The following RUFY2 variants were observed in gnomAD, a reference collection of about 807,000 sequenced individuals.
RUFY2 encodes RUN and FYVE domain containing 2, also known as RUN and FYVE domain-containing protein 2.
A neutral mutation model predicts 94.4 loss-of-function variants in RUFY2; 49 were observed. That is an observed-to-expected ratio of 0.52 (90% CI 0.41 to 0.66). The LOEUF is 0.66. Among genes scored for constraint, RUFY2 ranks in the 30% least tolerant of loss-of-function variants. RUFY2 has a pLI of 0.00. For synonymous variants in RUFY2, 255 were observed against 235.7 expected, an observed-to-expected ratio of 1.08 and a Z score of -0.75; for missense variants, 541 against 692.8, an observed-to-expected ratio of 0.78 and a Z score of 2.46.
chr10:68,364,148 T>C, intron 13 of RUFY2, 35 bp from the exon 14 acceptor site: 1 of 1,588,560 alleles, frequency 6.3e-7, no homozygotes, highest in Non-Finnish European at 8.6e-7. Context: ...AGCTCAGTGC[T>C]ATTTCTCACA....
chr10:68,365,728 C>A (rs553561766), intron 13 of RUFY2, among the ~76,000 whole-genome samples: 2 of 152,176 alleles, frequency 1.3e-5, no homozygotes, highest in Non-Finnish European at 2.9e-5. Context: ...AAACTTAACT[C>A]TTCATATCAA....
At position 68,343,515 on chromosome 10, in the gene RUFY2, G is replaced by T. The variant is rs7910016; in HGVS notation, c.*2253C>A. The T allele has an allele frequency of 6.6e-6, 1 of 152,308 alleles. No individual in the cohort carries two copies. The highest frequency in any genetic ancestry group is 1.5e-5 in the Non-Finnish European group (1 of 67,976). 9.4% of individuals were successfully genotyped at this position (152,308 alleles called of 1,614,324 possible). ...AAACCAAAATTGCCCTTTTAAAGCA[G>T]GCTAATTTTCCAAATATTTATTTAG... is the stretch of plus-strand genomic sequence containing the variant. On this transcript the variant is annotated 3_prime_UTR_variant, in exon 18 of 18. Coordinates refer to ENST00000602465, the MANE Select transcript of RUFY2 (RefSeq NM_001330103.2).
chr10:68,385,182 T>C (rs1483140524), intron 8 of RUFY2, among the ~76,000 whole-genome samples: 1 of 151,862 alleles, frequency 6.6e-6, no homozygotes, highest in Non-Finnish European at 1.5e-5. Context: ...GAGAATCGCT[T>C]GCACCTGGGA....
chr10:68,379,570 TTTG>T, intron 11 of RUFY2, 49 bp from the exon 12 acceptor site: 2 of 1,352,960 alleles, frequency 1.5e-6, no homozygotes, highest in Admixed American at 1.8e-5. Flanking sequence ...TGTGTGTGTG[TTTG>T]TGTGTGTGTG....
At chr10:68,396,721 TGGAAGACAG>T in intron 4 of RUFY2, 50 bp downstream of exon 4, 1 of 1,100,140 alleles carries the variant, frequency 9.1e-7, no homozygotes. Flanking sequence ...AAATCCTTTT[TGGAAGACAG>T]CATATAAATA....
chr10:68,345,846 A>C lies in RUFY2; in HGVS notation c.1743T>G (p.Pro581=). The C allele has an allele frequency of 6.2e-7, 1 of 1,614,158 alleles. No homozygotes were observed. Among genetic ancestry groups the C allele is most frequent in the Non-Finnish European group, 8.5e-7 (1 of 1,179,964 alleles). Residue 581 remains proline, a synonymous_variant, in exon 18 of 18, where the codon CCT becomes CCG. Transcript: ENST00000602465. Reference sequence around the variant, plus strand: ...AAACCCGTACTGGTTTTGGTGAAGAAGGCAAAGGTAGTTCGTTGTCAGAGC... The same window carrying C: ...AAACCCGTACTGGTTTTGGTGAAGACGGCAAAGGTAGTTCGTTGTCAGAGC... ...NACSDNELPL[P]SSPKPVRVCD... is the part of the protein sequence containing the mutation.
rs191762458 is a variant in RUFY2, at chr10:68,376,008, G to A, written c.1325+845C>T. ...CCAGCTACTCGGGAGGCTGAGACAG[G>A]AGAATTGCTTGAACCCAGGAGGCAG... On this transcript the variant is annotated intron_variant, in intron 13 of 17. Coordinates refer to ENST00000602465, the MANE Select transcript of RUFY2 (RefSeq NM_001330103.2). 2.0e-3 allele frequency among the ~76,000 whole-genome samples: 305 copies of A among 151,934 alleles called. 1 individual carries two copies. Among genetic ancestry groups the A allele is most frequent in the African/African-American group, 7.1e-3 (295 of 41,426 alleles).
downstream of RUFY2, chr10:68,342,248 TAAA>T: frequency 4.1e-6 from 2 of 491,708 alleles, no homozygotes; most frequent in Non-Finnish European, 7.2e-6. Context: ...TACTTTGACT[TAAA>T]AATAAATTTT....
intron 12 of RUFY2, chr10:68,378,425 C>T (rs2048809969): frequency 1.6e-6 from 2 of 1,280,306 alleles, no homozygotes; most frequent in Admixed American, 3.9e-5. Context: ...TGTATTACCA[C>T]AGCAGCTGAC....
At chr10:68,358,025 CA>C (rs1451742817) in intron 15 of RUFY2, among the ~76,000 whole-genome samples, 1 of 151,534 alleles carries the variant, frequency 6.6e-6, no homozygotes. Context: ...TCATCTCTAT[CA>C]AAAATACAAA....
At chr10:68,386,172 T>G in intron 7 of RUFY2, 44 bp from the exon 8 acceptor site, 1 of 1,507,030 alleles carries the variant, frequency 6.6e-7, no homozygotes, top group African/African-American at 1.4e-5. Flanking sequence ...TCACACGAAC[T>G]CAAAAAGGCA....
chr10:68,372,609 G>T (rs988892199), intron 13 of RUFY2, among the ~76,000 whole-genome samples: 2 of 147,328 alleles, frequency 1.4e-5, no homozygotes, highest in Admixed American at 1.4e-4. Flanking sequence ...AAAAAAAGAG[G>T]CCAGGCACAG....
chr10:68,377,819 A>C, intron 12 of RUFY2: 1 of 985,352 alleles, frequency 1.0e-6, no homozygotes, highest in Non-Finnish European at 1.2e-6. Context: ...CACAAGAGAA[A>C]TTTCGGTTCA....
Position 68,407,242 on chromosome 10 carries a change from G to C in RUFY2, c.-53C>G, listed in dbSNP as rs2051401564. The C allele has an allele frequency of 1.7e-5, 22 of 1,309,840 alleles. No homozygotes were observed. In the South Asian group the frequency reaches 4.5e-4, roughly 27 times the overall value. The allele number at this position is 1,309,840 out of a possible 1,614,324, so 81.1% of individuals were successfully genotyped here. ...GGAGGCTCCCTCGGCCTGTCCAGCAGCTCCTTCCAGGCGCTCGGCGGCCAC... is the reference window on the plus strand; with the variant it reads ...GGAGGCTCCCTCGGCCTGTCCAGCACCTCCTTCCAGGCGCTCGGCGGCCAC... On this transcript the variant is annotated 5_prime_UTR_variant, in exon 1 of 18. Transcript: ENST00000602465.
At chr10:68,376,773 T>C (rs1018132248) in intron 13 of RUFY2, 80 bp downstream of exon 13, 2 of 1,324,480 alleles carry the variant, frequency 1.5e-6, no homozygotes, top group Non-Finnish European at 2.1e-6. Flanking sequence ...AATAAAAATA[T>C]TGGTATTCTA....
At chr10:68,366,016 A>G (rs2047782816) in intron 13 of RUFY2, among the ~76,000 whole-genome samples, 1 of 152,178 alleles carries the variant, frequency 6.6e-6, no homozygotes, top group Admixed American at 6.6e-5. Flanking sequence ...TACTAAAGGC[A>G]AAAACCACAA....
intron 1 of RUFY2, chr10:68,406,695 C>G (rs538265077): frequency 5.5e-6 from 8 of 1,443,604 alleles, no homozygotes; most frequent in South Asian, 1.3e-5. Flanking sequence ...CTGCCCCCTC[C>G]CCCCAGCAAG....
At chr10:68,341,775 T>C (rs770923382), downstream of RUFY2, 8 of 1,607,126 alleles carry the variant, frequency 5.0e-6, no homozygotes, top group Non-Finnish European at 6.8e-6. Context: ...AGGGAGGCTA[T>C]GGATCAGTTG....
intron 12 of RUFY2, chr10:68,379,201 A>G (rs2132727981): frequency 4.8e-6 from 2 of 412,540 alleles, no homozygotes; most frequent in Non-Finnish European, 8.6e-6. Flanking sequence ...TTAGGCCTCT[A>G]AGAAAAATCT....
Sources: allele counts gnomAD v4.1 joint callset (sites outside exome capture counted in the v4.1 genomes callset), GRCh38; gene constraint gnomAD v4.1.1; transcripts MANE v1.5; gene names NCBI Gene and HGNC (gene_info 2026-07-23, HGNC 2026-07-21).